The following FNIP1 variants were observed in gnomAD, a reference collection of about 807,000 sequenced individuals.
The protein encoded by FNIP1 is folliculin interacting protein 1.
Under a neutral mutation model 124.5 loss-of-function variants are expected in FNIP1, and 40 were observed. The ratio of observed to expected loss-of-function variants is 0.32; its 90% CI spans 0.25 to 0.42. The LOEUF is 0.42. FNIP1 is among the 10% of genes least tolerant of loss of function. The pLI, the probability that FNIP1 is intolerant of heterozygous loss-of-function variation, is 1.00. For missense variants in FNIP1, 1,176 were observed against 1,403.7 expected (o/e 0.84, Z 2.59); for synonymous variants, 472 against 470.6 (o/e 1.00, Z -0.04).
chr5:131,692,838 C>T (rs975961427), intron 11 of FNIP1, among the ~76,000 whole-genome samples: 5 of 151,464 alleles, frequency 3.3e-5, no homozygotes, highest in Non-Finnish European at 7.4e-5. Context: ...CAAAACCCTG[C>T]CTCTACTAAA....
chr5:131,699,916 CAAAAAA>C (rs3033727), intron 10 of FNIP1, among the ~76,000 whole-genome samples: 24 of 93,666 alleles, frequency 2.6e-4, no homozygotes, highest in Admixed American at 4.8e-4. Flanking sequence ...AAGACTGTTT[CAAAAAA>C]AAAAAAAAAA....
At chr5:131,779,249 C>T (rs1362099162) in intron 1 of FNIP1, among the ~76,000 whole-genome samples, 7 of 151,506 alleles carry the variant, frequency 4.6e-5, no homozygotes, top group Admixed American at 4.6e-4. Flanking sequence ...TTCAAACATC[C>T]AACTCTAAAA....
At chr5:131,653,956 G>C (rs886485823) in intron 15 of FNIP1, among the ~76,000 whole-genome samples, 3 of 152,168 alleles carry the variant, frequency 2.0e-5, no homozygotes, top group Non-Finnish European at 2.9e-5. Context: ...AGGTCAGGCT[G>C]GTCTCGAACT....
At chr5:131,688,167 T>G (rs937322349) in intron 11 of FNIP1, among the ~76,000 whole-genome samples, 2 of 152,084 alleles carry the variant, frequency 1.3e-5, no homozygotes, top group Non-Finnish European at 2.9e-5. Context: ...TCCAACACCT[T>G]ACTTCCATAT....
intron 15 of FNIP1, among the ~76,000 whole-genome samples, chr5:131,654,736 A>G (rs1415207811): frequency 6.6e-6 from 1 of 152,218 alleles, no homozygotes; most frequent in Non-Finnish European, 1.5e-5. Context: ...CTGGTGAAAA[A>G]AATGGGAGAA....
chr5:131,663,233 CTT>C (rs1178727286), intron 15 of FNIP1, among the ~76,000 whole-genome samples: 2 of 152,304 alleles, frequency 1.3e-5, no homozygotes, highest in African/African-American at 2.4e-5. Context: ...GAATTTTTCT[CTT>C]GAGAGCTCCA....
At chr5:131,730,152 C>G (rs917702214) in intron 3 of FNIP1, among the ~76,000 whole-genome samples, 1 of 151,996 alleles carries the variant, frequency 6.6e-6, no homozygotes, top group Non-Finnish European at 1.5e-5. Flanking sequence ...AGGTATCATG[C>G]CTAAAGGGGA....
At chr5:131,677,674 C>T (rs751845343) in intron 13 of FNIP1, 29 bp downstream of exon 13, 1 of 1,583,370 alleles carries the variant, frequency 6.3e-7, no homozygotes. Flanking sequence ...AAGTCTAATA[C>T]ATAGTGTAAC....
chr5:131,709,318 C>T (rs937917321), intron 7 of FNIP1, 46 bp from the exon 8 acceptor site: 9 of 1,510,142 alleles, frequency 6.0e-6, no homozygotes, highest in Non-Finnish European at 8.3e-6. Context: ...TATTGCTATT[C>T]AGGTGGATGA....
chr5:131,796,916 G>C lies in FNIP1; in HGVS notation c.6C>G (p.Ala2=), dbSNP rs757558724. The part of the protein sequence containing the change: M[A]PTLFQKLFSK... The stretch of plus-strand genomic sequence containing the variant: ...TGAAGAGCTTCTGGAACAGCGTAGG[G>C]GCCATGCTAGCCACGGCCAGGCAGG... Residue 2 remains alanine (A), a synonymous_variant, in exon 1 of 18, where the codon GCC becomes GCG. Coordinates refer to ENST00000510461, the MANE Select transcript of FNIP1 (RefSeq NM_133372.3). 1 of 1,605,534 alleles carries C rather than the reference G, an allele frequency of 6.2e-7. No individual in the cohort carries two copies. Among genetic ancestry groups the C allele is most frequent in the Non-Finnish European group, 8.5e-7 (1 of 1,176,806 alleles).
chr5:131,646,254 A>T (rs1766877794), intron 17 of FNIP1, among the ~76,000 whole-genome samples: 1 of 152,224 alleles, frequency 6.6e-6, no homozygotes, highest in African/African-American at 2.4e-5. Flanking sequence ...GAGTCATTCA[A>T]ATCCCTAATT....
At chr5:131,685,413 A>G (rs1768238783) in intron 11 of FNIP1, among the ~76,000 whole-genome samples, 1 of 151,580 alleles carries the variant, frequency 6.6e-6, no homozygotes, top group East Asian at 1.9e-4. Flanking sequence ...TACTGGCATA[A>G]TATCTACTTC....
intron 1 of FNIP1, among the ~76,000 whole-genome samples, chr5:131,768,004 T>C (rs975657592): frequency 6.6e-6 from 1 of 152,180 alleles, no homozygotes; most frequent in African/African-American, 2.4e-5. Context: ...TGACTGTAAT[T>C]TACATTTCAA....
rs143042887 is a variant in FNIP1, at chr5:131,757,290, G to A, written c.93-12600C>T. Among the ~76,000 whole-genome samples the A allele has an allele frequency of 5.8e-3, 881 of 152,218 alleles. 4 individuals carry two copies. Among genetic ancestry groups the A allele is most frequent in the Middle Eastern group, 0.01 (3 of 294 alleles). On this transcript the variant is annotated intron_variant, in intron 1 of 17. Transcript: ENST00000510461. ...GCCAAGAAGAACACATAAAGGTAGA[G>A]AATAAGAGAAGGAACTGGAAGGCCA...
At chr5:131,707,255 GGA>G (rs745832371) in intron 8 of FNIP1, among the ~76,000 whole-genome samples, 2 of 152,180 alleles carry the variant, frequency 1.3e-5, no homozygotes, top group Non-Finnish European at 2.9e-5. Context: ...CATTAGGCTA[GGA>G]GATTTTCATC....
chr5:131,650,536 A>G (rs772552668), intron 16 of FNIP1, among the ~76,000 whole-genome samples: 4 of 152,106 alleles, frequency 2.6e-5, no homozygotes, highest in South Asian at 2.1e-4. Context: ...TATGTTTTCT[A>G]TGTACGAGAA....
At chr5:131,667,434 A>C (rs1157317063) in intron 15 of FNIP1, among the ~76,000 whole-genome samples, 1 of 152,238 alleles carries the variant, frequency 6.6e-6, no homozygotes, top group Non-Finnish European at 1.5e-5. Flanking sequence ...ACTATACAAT[A>C]AAACACCAAA....
At chr5:131,760,322 A>G (rs1488703909) in intron 1 of FNIP1, among the ~76,000 whole-genome samples, 2 of 152,210 alleles carry the variant, frequency 1.3e-5, no homozygotes, top group African/African-American at 4.8e-5. Flanking sequence ...GTATTGAGAA[A>G]TACTGGGCTA....
intron 11 of FNIP1, among the ~76,000 whole-genome samples, chr5:131,682,615 G>A (rs1488461499): frequency 6.6e-6 from 1 of 151,846 alleles, no homozygotes; most frequent in Admixed American, 6.6e-5. Flanking sequence ...TACTTGGGAG[G>A]CTGAGGCACA....
Sources: gnomAD v4.1 joint callset for allele counts (sites outside exome capture counted in the v4.1 genomes callset) on GRCh38, gnomAD v4.1.1 for gene constraint, MANE v1.5 for transcripts, NCBI Gene and HGNC (gene_info 2026-07-23, HGNC 2026-07-21) for gene names.